Variants in INPP4B observed in about 807,000 individuals in gnomAD.
INPP4B encodes the protein inositol polyphosphate 4-phosphatase type II.
In INPP4B, 55 loss-of-function variants were observed where a neutral mutation model predicts 122.5. The observed-to-expected ratio is 0.45, with a 90% CI of 0.36 to 0.56. The LOEUF (loss-of-function observed/expected upper bound fraction) is 0.56, where lower values mean the gene tolerates loss of function less well. INPP4B is among the 20% of genes least tolerant of loss of function. The pLI, the probability that INPP4B is intolerant of heterozygous loss-of-function variation, is 0.00. For synonymous variants in INPP4B, 403 were observed against 388.7 expected (o/e 1.04, Z -0.43); for missense variants, 1,000 against 1,097.7 (o/e 0.91, Z 1.26).
At chr4:142,314,051 T>C (rs890551014) in intron 8 of INPP4B, among the ~76,000 whole-genome samples, 9 of 152,196 alleles carry the variant, frequency 5.9e-5, no homozygotes, top group African/African-American at 1.7e-4. Context: ...CCAGGGCTTC[T>C]TAGACCTAAT....
rs1384639365 is a variant in INPP4B, at chr4:142,232,202, C to CAT, written c.836+5660_836+5661dup. On this transcript the variant is annotated intron_variant, in intron 12 of 25. Transcript: ENST00000262992. The stretch of plus-strand genomic sequence containing the variant: ...TTTTTGTTAAAAATCATATATTTTA[C>CAT]ATATATATTTATTGTGTTTTACTGT... 3.9e-5 allele frequency among the ~76,000 whole-genome samples: 6 copies of CAT among 152,206 alleles called. No homozygotes were observed. In the East Asian group the frequency reaches 9.7e-4, roughly 24 times the overall value.
At chr4:142,834,624 G>C (rs1374294422) in intron 1 of INPP4B, among the ~76,000 whole-genome samples, 1 of 152,122 alleles carries the variant, frequency 6.6e-6, no homozygotes, top group Non-Finnish European at 1.5e-5. Context: ...TGTTTTTGTA[G>C]ACCAATGTGT....
chr4:142,082,232 G>A (rs376196579), intron 24 of INPP4B, 47 bp from the exon 25 acceptor site: 50 of 1,438,006 alleles, frequency 3.5e-5, no homozygotes, highest in South Asian at 1.8e-4. Flanking sequence ...TTGTAATACC[G>A]TAAAGTGTCG....
At chr4:142,310,586 G>T (rs1195026490) in intron 8 of INPP4B, among the ~76,000 whole-genome samples, 2 of 151,730 alleles carry the variant, frequency 1.3e-5, no homozygotes, top group East Asian at 3.9e-4. Context: ...AGTTTTAAAA[G>T]GTCTCTGAAA....
At chr4:142,162,428 C>T (rs998205022) in intron 16 of INPP4B, among the ~76,000 whole-genome samples, 6 of 151,730 alleles carry the variant, frequency 4.0e-5, no homozygotes, top group African/African-American at 1.4e-4. Flanking sequence ...CATGGATGTG[C>T]TTATCAGTGT....
chr4:142,557,769 A>C (rs1729538782), intron 2 of INPP4B, among the ~76,000 whole-genome samples: 1 of 152,242 alleles, frequency 6.6e-6, no homozygotes, highest in Non-Finnish European at 1.5e-5. Context: ...TCCATATAAA[A>C]AGGAATTGAG....
At chr4:142,674,607 T>C (rs191411393) in intron 2 of INPP4B, among the ~76,000 whole-genome samples, 1 of 152,240 alleles carries the variant, frequency 6.6e-6, no homozygotes, top group East Asian at 1.9e-4. Context: ...TATTCTAAAA[T>C]TGACCACATA....
At chr4:142,754,234 G>T (rs1439876361) in intron 1 of INPP4B, among the ~76,000 whole-genome samples, 2 of 151,918 alleles carry the variant, frequency 1.3e-5, no homozygotes, top group Non-Finnish European at 2.9e-5. Context: ...TAGCTACGGG[G>T]TTTCTTTTGC....
intron 18 of INPP4B, among the ~76,000 whole-genome samples, chr4:142,141,239 G>A (rs538667744): frequency 4.6e-5 from 7 of 152,296 alleles, no homozygotes; most frequent in African/African-American, 1.7e-4. Flanking sequence ...GATAAAAAGA[G>A]TTTTCTATAA....
rs574847218 is a variant in INPP4B, at chr4:142,216,701, C to A, written c.837-7675G>T. Among the ~76,000 whole-genome samples, 6 of 152,110 alleles carry A rather than the reference C, an allele frequency of 3.9e-5. 1 individual carries two copies. The South Asian group carries it at 1.2e-3, about 32-fold the overall frequency. ...AGTTCCTGGAAGTCATTATATACTCCGAACCTTCCACAATGTAGAACACCC... is the reference window on the plus strand; with the variant it reads ...AGTTCCTGGAAGTCATTATATACTCAGAACCTTCCACAATGTAGAACACCC... On this transcript the variant is annotated intron_variant, in intron 12 of 25. Coordinates refer to ENST00000262992, the MANE Select transcript of INPP4B (RefSeq NM_001101669.3).
At chr4:142,182,767 A>G (rs907979365) in intron 15 of INPP4B, among the ~76,000 whole-genome samples, 5 of 152,040 alleles carry the variant, frequency 3.3e-5, no homozygotes, top group Admixed American at 6.6e-5. Context: ...GAGTCCTTCA[A>G]TCCTGCCCAG....
At chr4:142,440,518 T>C (rs1271586006) in intron 3 of INPP4B, among the ~76,000 whole-genome samples, 1 of 152,208 alleles carries the variant, frequency 6.6e-6, no homozygotes, top group Non-Finnish European at 1.5e-5. Flanking sequence ...CTAATGTTTT[T>C]TATCCTGTCA....
rs192788651 is a variant in INPP4B, at chr4:142,718,374, T to C, written c.-191+7465A>G. The stretch of plus-strand genomic sequence containing the variant: ...CGGGCTCTCTATTCAAAATACCTCA[T>C]GAGCAGTTGTCATTTAACTATAAAT... On this transcript the variant is annotated intron_variant, in intron 2 of 25. Coordinates refer to ENST00000262992, the MANE Select transcript of INPP4B (RefSeq NM_001101669.3). Among the ~76,000 whole-genome samples, 374 of 152,344 alleles carry C rather than the reference T, an allele frequency of 2.5e-3. 1 individual carries two copies. Among genetic ancestry groups the C allele is most frequent in the African/African-American group, 8.6e-3 (356 of 41,590 alleles).
chr4:142,737,955 A>G (rs1767231571), intron 1 of INPP4B, among the ~76,000 whole-genome samples: 1 of 152,176 alleles, frequency 6.6e-6, no homozygotes, highest in South Asian at 2.1e-4. Context: ...AAAGTCAGAA[A>G]CCAACAGGTG....
upstream of INPP4B, chr4:142,846,461 C>T (rs1039243513): frequency 5.9e-5 from 9 of 152,248 alleles, no homozygotes; most frequent in Non-Finnish European, 1.2e-4. This position sits in a 1 kb window ranked among gnomAD's most constrained non-coding sequence, Gnocchi z 5.1. Flanking sequence ...CGGCCGCGCT[C>T]CCTGCTCGCT....
chr4:142,214,509 G>A lies in INPP4B; in HGVS notation c.837-5483C>T, dbSNP rs543928708. 4.7e-3 allele frequency among the ~76,000 whole-genome samples: 715 copies of A among 152,252 alleles called. 10 individuals are homozygous for A. The highest frequency in any genetic ancestry group is 0.016 in the African/African-American group (666 of 41,556). ...GCGGCTGGTTAAGCACTAGACAAAA[G>A]GTCTTAATGATAGGTGAATCATAAA... On this transcript the variant is annotated intron_variant, in intron 12 of 25. Coordinates refer to ENST00000262992, the MANE Select transcript of INPP4B (RefSeq NM_001101669.3).
chr4:142,175,366 T>C (rs555831426), intron 15 of INPP4B, among the ~76,000 whole-genome samples: 2 of 152,098 alleles, frequency 1.3e-5, no homozygotes, highest in Non-Finnish European at 2.9e-5. Flanking sequence ...AAACAATTTT[T>C]TTTTTGCAAA....
chr4:142,617,236 T>C (rs1367289273), intron 2 of INPP4B, among the ~76,000 whole-genome samples: 1 of 152,154 alleles, frequency 6.6e-6, no homozygotes, highest in African/African-American at 2.4e-5. Flanking sequence ...CAGAATACTC[T>C]GTGCCTACAG....
intron 1 of INPP4B, among the ~76,000 whole-genome samples, chr4:142,746,229 A>G (rs983242094): frequency 2.0e-5 from 3 of 152,194 alleles, no homozygotes; most frequent in Admixed American, 2.0e-4. Flanking sequence ...TACACTAATA[A>G]TAGACAAACA....
Sources: gnomAD v4.1 joint callset for allele counts (sites outside exome capture counted in the v4.1 genomes callset) on GRCh38, gnomAD v4.1.1 for gene constraint, Gnocchi (gnomAD v3.1) non-coding constraint, MANE v1.5 for transcripts, NCBI Gene and HGNC (gene_info 2026-07-23, HGNC 2026-07-21) for gene names.